Variants in FRMD5 observed in about 807,000 individuals in gnomAD.
FRMD5 encodes the protein FERM domain containing 5, also known as FERM domain-containing protein 5.
A neutral mutation model predicts 69.0 loss-of-function variants in FRMD5; 20 were observed. The ratio of observed to expected loss-of-function variants is 0.29; its 90% confidence interval spans 0.20 to 0.42. The LOEUF (loss-of-function observed/expected upper bound fraction) is 0.42, where lower values mean the gene tolerates loss of function less well. Among genes scored for constraint, FRMD5 ranks in the 10% least tolerant of loss-of-function variants. FRMD5 has a pLI of 1.00. For synonymous variants in FRMD5, 271 were observed against 260.1 expected, an observed-to-expected ratio of 1.04 and a Z score of -0.40; for missense variants, 595 against 708.6, an observed-to-expected ratio of 0.84 and a Z score of 1.82.
chr15:43,941,123 C>T (rs1190478478), intron 1 of FRMD5, among the ~76,000 whole-genome samples: 1 of 152,194 alleles, frequency 6.6e-6, no homozygotes, highest in Non-Finnish European at 1.5e-5. Context: ...AATCTCAGCA[C>T]TTTGGGAGGC....
chr15:43,941,755 C>CG (rs775842225), intron 1 of FRMD5, among the ~76,000 whole-genome samples: 15 of 152,060 alleles, frequency 9.9e-5, no homozygotes, highest in Admixed American at 2.0e-4. Context: ...AAACTAAGGG[C>CG]GGGGGGGCGT....
At chr15:44,113,769 C>T (rs759011824) in intron 1 of FRMD5, among the ~76,000 whole-genome samples, 1 of 152,126 alleles carries the variant, frequency 6.6e-6, no homozygotes, top group Non-Finnish European at 1.5e-5. Flanking sequence ...GAAAAAGTCA[C>T]TTATATTCTC....
intron 1 of FRMD5, among the ~76,000 whole-genome samples, chr15:44,050,896 G>A (rs1432293255): frequency 1.3e-5 from 2 of 151,652 alleles, no homozygotes; most frequent in African/African-American, 2.4e-5. Context: ...GACCTCAAGC[G>A]ATCTGCCTGC....
chr15:44,090,881 T>C (rs745986940), intron 1 of FRMD5, among the ~76,000 whole-genome samples: 2 of 152,208 alleles, frequency 1.3e-5, no homozygotes, highest in African/African-American at 2.4e-5. Context: ...ATCCTTACCA[T>C]GACAACTAAA....
At position 44,001,910 on chromosome 15, in the gene FRMD5, G is replaced by A. The variant is rs984094202; in HGVS notation, c.103-77601C>T. 5.3e-5 allele frequency among the ~76,000 whole-genome samples: 8 copies of A among 151,966 alleles called. No individual in the cohort carries two copies. The East Asian group carries it at 1.4e-3, about 26-fold the overall frequency. On this transcript the variant is annotated intron_variant, in intron 1 of 13. Transcript: ENST00000417257. ...TAATTTTTGTAATTTTAGTAGACAC[G>A]GGGTTTCACCATGTTGGCTAGGCTG...
At chr15:43,929,336 A>G (rs1439760713) in intron 1 of FRMD5, among the ~76,000 whole-genome samples, 1 of 152,170 alleles carries the variant, frequency 6.6e-6, no homozygotes, top group African/African-American at 2.4e-5. Context: ...CCCATCATGG[A>G]TGAGGTTAAT....
At chr15:44,030,193 AT>A (rs761170480) in intron 1 of FRMD5, among the ~76,000 whole-genome samples, 175 of 148,696 alleles carry the variant, frequency 1.2e-3, no homozygotes, top group East Asian at 5.7e-3. Context: ...TACAACACTG[AT>A]TTTTTTTTTT....
rs75214706 is a variant in FRMD5, at chr15:44,029,544, G to C, written c.103-105235C>G. On this transcript the variant is annotated intron_variant, in intron 1 of 13. Coordinates refer to ENST00000417257, the MANE Select transcript of FRMD5 (RefSeq NM_032892.5). ...TAGGATTAGTAAACAGAACATAACA[G>C]GGAACAGTACAGAGAAAATATGGTA... Among the ~76,000 whole-genome samples the C allele has an allele frequency of 7.2e-5, 11 of 152,274 alleles. No homozygotes were observed. The East Asian group carries it at 2.1e-3, about 29-fold the overall frequency.
intron 5 of FRMD5, among the ~76,000 whole-genome samples, chr15:43,906,784 G>T (rs1289882826): frequency 7.2e-6 from 1 of 138,738 alleles, no homozygotes; most frequent in Admixed American, 6.8e-5. Context: ...TGTATTTTTA[G>T]TAGAGACGGG....
In FRMD5 at chr15:43,895,708, C is replaced by T. The variant is rs150273438; in HGVS notation, c.640-3639G>A. On this transcript the variant is annotated intron_variant, in intron 7 of 13. Coordinates refer to ENST00000417257, the MANE Select transcript of FRMD5 (RefSeq NM_032892.5). The stretch of plus-strand genomic sequence containing the variant: ...AAGGCCACCGCAAGACCCTGACACC[C>T]GGTATCCGCAGGGGCAGATGACAGC... 5.0e-3 allele frequency among the ~76,000 whole-genome samples: 760 copies of T among 152,326 alleles called. 7 individuals carry two copies. The highest frequency in any genetic ancestry group is 0.017 in the African/African-American group (717 of 41,566).
chr15:44,139,041 T>C (rs1046561659), intron 1 of FRMD5, among the ~76,000 whole-genome samples: 2 of 152,108 alleles, frequency 1.3e-5, no homozygotes, highest in African/African-American at 4.8e-5. Flanking sequence ...TAAAATTAGA[T>C]CGTGGCAATG....
chr15:43,962,748 G>A (rs376844129), intron 1 of FRMD5, among the ~76,000 whole-genome samples: 20 of 152,242 alleles, frequency 1.3e-4, no homozygotes, highest in African/African-American at 1.7e-4. Context: ...CAGAAATAAT[G>A]CCGCATATCT....
At chr15:44,177,902 AC>A in intron 1 of FRMD5, among the ~76,000 whole-genome samples, 1 of 152,352 alleles carries the variant, frequency 6.6e-6, no homozygotes, top group Non-Finnish European at 1.5e-5. Flanking sequence ...AGAGAAATTT[AC>A]AGGGTGCTGA....
chr15:44,090,530 T>C (rs2076456800), intron 1 of FRMD5, among the ~76,000 whole-genome samples: 1 of 151,866 alleles, frequency 6.6e-6, no homozygotes, highest in African/African-American at 2.4e-5. Context: ...ACCTCTACCT[T>C]CTGGATTCCA....
intron 1 of FRMD5, among the ~76,000 whole-genome samples, chr15:44,137,751 A>C (rs1197884838): frequency 1.3e-5 from 2 of 152,090 alleles, no homozygotes; most frequent in African/African-American, 4.8e-5. Context: ...CAGTCAGTGA[A>C]GCCTAATGGG....
intron 1 of FRMD5, among the ~76,000 whole-genome samples, chr15:43,985,563 G>A (rs748519574): frequency 2.0e-5 from 3 of 152,122 alleles, no homozygotes; most frequent in Non-Finnish European, 2.9e-5. Flanking sequence ...TATAGATTCT[G>A]AGGCCCCACC....
intron 6 of FRMD5, among the ~76,000 whole-genome samples, chr15:43,904,811 G>T (rs2089130855): frequency 6.6e-6 from 1 of 152,180 alleles, no homozygotes; most frequent in South Asian, 2.1e-4. Context: ...CTTCATGTGG[G>T]TGAAAAGCTG....
At chr15:44,058,725 G>C (rs1892970666) in intron 1 of FRMD5, among the ~76,000 whole-genome samples, 2 of 149,938 alleles carry the variant, frequency 1.3e-5, no homozygotes, top group Admixed American at 6.7e-5. Flanking sequence ...GGTGGAGCTT[G>C]CAGTGAGCCG....
rs771568540 is a variant in FRMD5 at position 43,892,008 on chromosome 15, C to G, written c.701G>C (p.Gly234Ala). Residue 234 changes from glycine (G) to alanine (A), a missense_variant, in exon 8 of 14, where the codon GGA (glycine) becomes GCA (alanine). Physicochemically the swap from Gly to Ala is moderately conservative, Grantham distance 60. Coordinates refer to ENST00000417257, the MANE Select transcript of FRMD5 (RefSeq NM_032892.5). ...FTPFGFVVLQ[G>A]NKRVHFIKWN... The stretch of plus-strand genomic sequence containing the variant: ...TTTAATGAAGTGGACCCTCTTGTTT[C>G]CTTGAAGAACAACAAACCCAAAAGG... 6.2e-6 allele frequency: 10 copies of G among 1,613,976 alleles called. No homozygotes were observed. In the East Asian group the frequency reaches 2.0e-4, roughly 32 times the overall value.
Sources: gnomAD v4.1 joint callset for allele counts (sites outside exome capture counted in the v4.1 genomes callset) on GRCh38, gnomAD v4.1.1 for gene constraint, MANE v1.5 for transcripts, NCBI Gene and HGNC (gene_info 2026-07-23, HGNC 2026-07-21) for gene names.